SORCS3: variants seen among roughly 807,000 people sequenced by gnomAD.
The protein encoded by SORCS3 is VPS10 domain-containing receptor SorCS3.
In SORCS3, 57 loss-of-function variants were observed where a neutral mutation model predicts 146.3. That is an observed-to-expected ratio of 0.39 (90% confidence interval 0.31 to 0.49). SORCS3 has a LOEUF of 0.49. Among genes scored for constraint, SORCS3 ranks in the 20% least tolerant of loss-of-function variants. The pLI is 0.92. For synonymous variants in SORCS3, 653 were observed against 618.5 expected, an observed-to-expected ratio of 1.06 and a Z score of -0.83; for missense variants, 1,341 against 1,575.5, an observed-to-expected ratio of 0.85 and a Z score of 2.52.
intron 5 of SORCS3, among the ~76,000 whole-genome samples, chr10:105,062,773 T>C (rs2055496677): frequency 6.6e-6 from 1 of 152,228 alleles, no homozygotes; most frequent in African/African-American, 2.4e-5. Flanking sequence ...TGATTGTTTG[T>C]CCAAGGAAGT....
chr10:105,012,515 C>T (rs1047930895), intron 4 of SORCS3, among the ~76,000 whole-genome samples: 4 of 152,012 alleles, frequency 2.6e-5, no homozygotes, highest in East Asian at 1.9e-4. Flanking sequence ...GTTAAGGAGG[C>T]CTTCTTAACT....
chr10:105,063,097 C>T (rs989897070), intron 5 of SORCS3, among the ~76,000 whole-genome samples: 2 of 152,210 alleles, frequency 1.3e-5, no homozygotes, highest in Admixed American at 6.5e-5. Flanking sequence ...TGAGGTTTTA[C>T]AGCCTGTGCT....
chr10:104,742,262 TTGTTCATC>T (rs1461670940), intron 1 of SORCS3, among the ~76,000 whole-genome samples: 4 of 152,200 alleles, frequency 2.6e-5, no homozygotes, highest in Non-Finnish European at 4.4e-5. Context: ...AAAATTGTTT[TTGTTCATC>T]TCCTTAGCAG....
At position 104,975,666 on chromosome 10, in the gene SORCS3, C is replaced by T. The variant is rs1274952516; in HGVS notation, c.796-1669C>T. ...CGTTACCTGACTTCAAACTATACTACAAGGCTACAGTAACCAAAACAACAT... is the reference window on the plus strand; with the variant it reads ...CGTTACCTGACTTCAAACTATACTATAAGGCTACAGTAACCAAAACAACAT... On this transcript the variant is annotated intron_variant, in intron 3 of 26. Coordinates refer to ENST00000369701, the MANE Select transcript of SORCS3 (RefSeq NM_014978.3). Among the ~76,000 whole-genome samples the T allele has an allele frequency of 2.6e-5, 4 of 152,282 alleles. No homozygotes were observed. In the East Asian group the frequency reaches 7.7e-4, roughly 29 times the overall value.
chr10:104,915,472 G>A (rs889526753), intron 2 of SORCS3, among the ~76,000 whole-genome samples: 56 of 147,562 alleles, frequency 3.8e-4, no homozygotes, highest in Non-Finnish European at 5.8e-4. Context: ...TAGAGGGTCC[G>A]CTGGTGGGAA....
intron 4 of SORCS3, among the ~76,000 whole-genome samples, chr10:105,000,768 A>G (rs2055056420): frequency 6.6e-6 from 1 of 152,174 alleles, no homozygotes; most frequent in African/African-American, 2.4e-5. Context: ...GCACCATATC[A>G]TGTATCAGAT....
At chr10:105,159,223 C>T (rs1360273603) in intron 11 of SORCS3, among the ~76,000 whole-genome samples, 3 of 152,116 alleles carry the variant, frequency 2.0e-5, no homozygotes, top group African/African-American at 7.2e-5. Context: ...CAGAGCAGTC[C>T]CCTGTGCTTA....
At chr10:104,777,350 T>C (rs1272209921) in intron 1 of SORCS3, among the ~76,000 whole-genome samples, 1 of 152,188 alleles carries the variant, frequency 6.6e-6, no homozygotes, top group Non-Finnish European at 1.5e-5. Context: ...CACACTGAGC[T>C]GCAGGCAAGG....
At chr10:104,828,014 A>G (rs1180515148) in intron 1 of SORCS3, among the ~76,000 whole-genome samples, 1 of 152,184 alleles carries the variant, frequency 6.6e-6, no homozygotes, top group Non-Finnish European at 1.5e-5. Context: ...TTTGGCTTAA[A>G]TGAGTGTTGT....
At chr10:104,846,413 G>C (rs1250221382) in intron 2 of SORCS3, among the ~76,000 whole-genome samples, 1 of 152,180 alleles carries the variant, frequency 6.6e-6, no homozygotes, top group Non-Finnish European at 1.5e-5. Flanking sequence ...CACCCTTTCA[G>C]CTTCATGATT....
chr10:104,684,713 A>C (rs1257951207), intron 1 of SORCS3, among the ~76,000 whole-genome samples: 1 of 143,354 alleles, frequency 7.0e-6, no homozygotes, highest in Non-Finnish European at 1.5e-5. Context: ...GATATAGTTG[A>C]GGGGAATAAA....
intron 1 of SORCS3, among the ~76,000 whole-genome samples, chr10:104,792,861 C>T (rs2017510586): frequency 1.3e-5 from 2 of 152,096 alleles, no homozygotes. Context: ...AGGAAGACTC[C>T]TTGAGTCTCA....
At chr10:104,883,975 T>TGC (rs146493237) in intron 2 of SORCS3, among the ~76,000 whole-genome samples, 8 of 145,556 alleles carry the variant, frequency 5.5e-5, no homozygotes, top group African/African-American at 1.9e-4. Context: ...TGCTGTGGAA[T>TGC]GAGGGGGGGG....
chr10:104,657,978 A>G (rs868435600), intron 1 of SORCS3, among the ~76,000 whole-genome samples: 2 of 152,252 alleles, frequency 1.3e-5, no homozygotes, highest in African/African-American at 2.4e-5. Flanking sequence ...GTGATTTTGC[A>G]AAGTATAGTA....
At chr10:105,079,856 AGC>A (rs1160123370) in intron 5 of SORCS3, among the ~76,000 whole-genome samples, 8 of 152,180 alleles carry the variant, frequency 5.3e-5, no homozygotes, top group African/African-American at 1.7e-4. Flanking sequence ...AATTACCTCT[AGC>A]TCCATCCATG....
intron 5 of SORCS3, among the ~76,000 whole-genome samples, chr10:105,089,195 G>A (rs537096586): frequency 3.3e-5 from 5 of 152,274 alleles, no homozygotes; most frequent in Admixed American, 6.5e-5. Flanking sequence ...AATTTTGTCC[G>A]TGTCAGACCA....
chr10:105,195,955 A>C (rs1011274975), intron 14 of SORCS3, among the ~76,000 whole-genome samples: 4 of 152,226 alleles, frequency 2.6e-5, no homozygotes, highest in Non-Finnish European at 4.4e-5. Context: ...GTATGGGGAA[A>C]GACCTGGGAA....
chr10:104,776,588 G>C (rs1468142125), intron 1 of SORCS3, among the ~76,000 whole-genome samples: 1 of 149,156 alleles, frequency 6.7e-6, no homozygotes, highest in Non-Finnish European at 1.5e-5. Context: ...TCTGTGTAGA[G>C]CACCCTTGCC....
intron 2 of SORCS3, among the ~76,000 whole-genome samples, chr10:104,864,107 G>A (rs778782175): frequency 6.6e-6 from 1 of 152,074 alleles, no homozygotes; most frequent in Non-Finnish European, 1.5e-5. Flanking sequence ...ACCTCCTGAT[G>A]GCAAGACATT....
Sources: gnomAD v4.1 joint callset for allele counts (sites outside exome capture counted in the v4.1 genomes callset) on GRCh38, gnomAD v4.1.1 for gene constraint, MANE v1.5 for transcripts, NCBI Gene and HGNC (gene_info 2026-07-23, HGNC 2026-07-21) for gene names.